Variants in MORC1 observed in about 807,000 individuals in gnomAD.
MORC1 encodes the protein MORC family CW-type zinc finger protein 1.
A neutral mutation model predicts 134.9 loss-of-function variants in MORC1; 59 were observed. The ratio of observed to expected loss-of-function variants is 0.44; its 90% CI spans 0.35 to 0.54. The LOEUF (loss-of-function observed/expected upper bound fraction) is 0.54. Ranked by LOEUF, MORC1 falls within the 20% of genes least tolerant of loss-of-function variation. The pLI, the probability that MORC1 is intolerant of heterozygous loss-of-function variation, is 0.00. For missense variants in MORC1, 947 were observed against 1,134.5 expected (o/e 0.83, Z 2.37); for synonymous variants, 395 against 391.7 (o/e 1.01, Z -0.10).
chr3:109,011,082 G>T (rs909048615), intron 17 of MORC1, among the ~76,000 whole-genome samples: 17 of 152,136 alleles, frequency 1.1e-4, no homozygotes, highest in African/African-American at 3.4e-4. Flanking sequence ...GCCAAACTAG[G>T]CTTACTCCTA....
intron 14 of MORC1, among the ~76,000 whole-genome samples, chr3:109,040,913 G>T (rs561612151): frequency 6.7e-6 from 1 of 149,352 alleles, no homozygotes; most frequent in African/African-American, 2.5e-5. Context: ...ATATCATAAA[G>T]AAATATAGAA....
chr3:109,028,620 T>A (rs530860185), intron 16 of MORC1, among the ~76,000 whole-genome samples: 1 of 152,166 alleles, frequency 6.6e-6, no homozygotes, highest in Non-Finnish European at 1.5e-5. Context: ...TACAAAAAAA[T>A]ACTAATAACC....
At chr3:109,116,061 C>A (rs1443180273) in intron 1 of MORC1, among the ~76,000 whole-genome samples, 1 of 152,154 alleles carries the variant, frequency 6.6e-6, no homozygotes, top group African/African-American at 2.4e-5. Context: ...CCAGTGAGCT[C>A]CGCTTATGGT....
chr3:109,019,169 C>T (rs1404305817), intron 17 of MORC1: 1 of 152,236 alleles, frequency 6.6e-6, no homozygotes, highest in African/African-American at 2.4e-5. Context: ...ACTACAGACA[C>T]CAGACAGGCC....
intron 4 of MORC1, among the ~76,000 whole-genome samples, chr3:109,102,592 A>T (rs1444423115): frequency 1.3e-5 from 2 of 152,132 alleles, no homozygotes; most frequent in Admixed American, 1.3e-4. Flanking sequence ...CTTCTACTTT[A>T]TTACTAGTTG....
chr3:109,094,999 CA>C lies in MORC1; in HGVS notation c.492del (p.Phe164LeufsTer7). ...TTATAAATTATAGATAATTCCATTGCAAATTTCTGGGGATCATCTGTGACAG... is the reference window on the plus strand; with the variant it reads ...TTATAAATTATAGATAATTCCATTGCAATTTCTGGGGATCATCTGTGACAG... ...RESVTDDPQK[F>X]AMELSIIYKY... On this transcript the variant is annotated frameshift_variant, in exon 7 of 28. Transcript: ENST00000232603. LOFTEE classifies it high-confidence loss of function. 6.3e-7 allele frequency: 1 copy of C among 1,592,630 alleles called. No individual in the cohort carries two copies. The highest frequency in any genetic ancestry group is 8.5e-7 in the Non-Finnish European group (1 of 1,173,488).
At chr3:109,067,845 T>G (rs1950232846) in intron 9 of MORC1, among the ~76,000 whole-genome samples, 1 of 152,126 alleles carries the variant, frequency 6.6e-6, no homozygotes, top group African/African-American at 2.4e-5. Flanking sequence ...GATGCAGAGA[T>G]CTATAATTTT....
intron 8 of MORC1, among the ~76,000 whole-genome samples, chr3:109,079,099 G>A (rs968223434): frequency 6.6e-6 from 1 of 151,938 alleles, no homozygotes; most frequent in African/African-American, 2.4e-5. Context: ...AATGGGGGAA[G>A]AAATTCCCAA....
At chr3:109,102,382 A>G (rs1950945329) in intron 4 of MORC1, among the ~76,000 whole-genome samples, 1 of 152,184 alleles carries the variant, frequency 6.6e-6, no homozygotes, top group South Asian at 2.1e-4. Context: ...CAGGAAAATG[A>G]TATTAATGTA....
At chr3:109,005,632 A>C (rs1476957655) in intron 18 of MORC1, among the ~76,000 whole-genome samples, 1 of 152,154 alleles carries the variant, frequency 6.6e-6, no homozygotes, top group Non-Finnish European at 1.5e-5. Flanking sequence ...CCCCGCTGCA[A>C]ACAAGGCTGG....
chr3:108,960,792 T>C (rs1947059538), intron 27 of MORC1, among the ~76,000 whole-genome samples: 2 of 152,098 alleles, frequency 1.3e-5, no homozygotes, highest in African/African-American at 4.8e-5. Flanking sequence ...TCTGACTCCT[T>C]CTGACTTCTT....
intron 16 of MORC1, among the ~76,000 whole-genome samples, chr3:109,031,437 T>C (rs567978454): frequency 3.9e-4 from 59 of 152,268 alleles, no homozygotes; most frequent in Non-Finnish European, 6.6e-4. Context: ...GTCTCCAGAG[T>C]CTGAACTCTA....
chr3:109,069,673 T>G lies in MORC1; in HGVS notation c.774A>C (p.Arg258Ser), dbSNP rs1426599606. Reference sequence around the variant, plus strand: ...AATAGCAAAGATGTTTAGTTTTAACTCTCTTGGCTTGAATGAATATTCTCA... The same window carrying G: ...AATAGCAAAGATGTTTAGTTTTAACGCTCTTGGCTTGAATGAATATTCTCA... ...PWMRIFIQAK[R>S]VKTKHLCYCL... The change falls in exon 9 of 28, where the codon AGA becomes AGC. Residue 258 changes from arginine (R) to serine (S), a missense_variant. Coordinates refer to ENST00000232603, the MANE Select transcript of MORC1 (RefSeq NM_014429.4). 3 of 1,611,478 alleles carry G rather than the reference T, an allele frequency of 1.9e-6. No individual in the cohort carries two copies. The East Asian group carries it at 6.7e-5, about 36-fold the overall frequency.
At position 109,116,176 on chromosome 3, in the gene MORC1, T is replaced by C. The variant is rs916963996; in HGVS notation, c.66-1739A>G. 2.6e-5 allele frequency among the ~76,000 whole-genome samples: 4 copies of C among 152,182 alleles called. No homozygotes were observed. In the South Asian group the frequency reaches 6.2e-4, roughly 24 times the overall value. ...TGGCTGACATACAACTGGAAACCAC[T>C]GTAGTGTTTTAAGAAAAGGGGCGTA... On this transcript the variant is annotated intron_variant, in intron 1 of 27. Transcript: ENST00000232603.
intron 23 of MORC1, 61 bp downstream of exon 23, chr3:108,984,655 A>C: frequency 7.3e-6 from 9 of 1,229,524 alleles, no homozygotes; most frequent in Non-Finnish European, 6.8e-6. Flanking sequence ...AAACATTGAT[A>C]ATTACTTTTC....
chr3:109,072,973 AC>A (rs1950351062), intron 8 of MORC1, among the ~76,000 whole-genome samples: 1 of 151,032 alleles, frequency 6.6e-6, no homozygotes, highest in Admixed American at 6.6e-5. Flanking sequence ...ACATACACAC[AC>A]ACACACACAC....
At chr3:109,079,626 T>C (rs936091030) in intron 8 of MORC1, among the ~76,000 whole-genome samples, 8 of 152,064 alleles carry the variant, frequency 5.3e-5, no homozygotes, top group Admixed American at 2.0e-4. Flanking sequence ...TACCTACTAT[T>C]ACCACTTCTA....
chr3:109,104,330 A>G (rs1259706347), intron 3 of MORC1, among the ~76,000 whole-genome samples: 1 of 152,174 alleles, frequency 6.6e-6, no homozygotes, highest in Non-Finnish European at 1.5e-5. Context: ...AAATAAATCT[A>G]GGCCATTCTT....
intron 17 of MORC1, among the ~76,000 whole-genome samples, chr3:109,012,605 C>T (rs959168155): frequency 1.3e-5 from 2 of 152,114 alleles, no homozygotes; most frequent in Non-Finnish European, 2.9e-5. Flanking sequence ...TGTTCTACAG[C>T]TTTCAGTGTA....
Sources: allele counts gnomAD v4.1 joint callset (sites outside exome capture counted in the v4.1 genomes callset), GRCh38; gene constraint gnomAD v4.1.1; transcripts MANE v1.5; gene names NCBI Gene and HGNC (gene_info 2026-07-23, HGNC 2026-07-21).